Variants in HS6ST3 observed in about 807,000 individuals in gnomAD.
HS6ST3 encodes the protein heparan-sulfate 6-O-sulfotransferase 3.
HS6ST3 carries 12 observed loss-of-function variants against 36.7 expected under a neutral mutation model. That is an observed-to-expected ratio of 0.33 (90% CI 0.21 to 0.53). The LOEUF is 0.53. Among genes scored for constraint, HS6ST3 ranks in the 20% least tolerant of loss-of-function variants. HS6ST3 has a pLI of 0.95. For synonymous variants in HS6ST3, 240 were observed against 257.5 expected, an observed-to-expected ratio of 0.93 and a Z score of 0.65; for missense variants, 584 against 640.9, an observed-to-expected ratio of 0.91 and a Z score of 0.96.
chr13:96,297,079 C>T (rs1442585988), intron 1 of HS6ST3, among the ~76,000 whole-genome samples: 1 of 152,084 alleles, frequency 6.6e-6, no homozygotes, highest in East Asian at 1.9e-4. Flanking sequence ...ATTACAGACT[C>T]TTTAGCATTT....
intron 1 of HS6ST3, among the ~76,000 whole-genome samples, chr13:96,830,995 T>C (rs958813855): frequency 8.3e-4 from 127 of 152,306 alleles, no homozygotes; most frequent in African/African-American, 2.9e-3. Context: ...CCCTGACAAA[T>C]GGACTTCCAG....
chr13:96,702,364 A>C (rs1875311411), intron 1 of HS6ST3, among the ~76,000 whole-genome samples: 1 of 152,240 alleles, frequency 6.6e-6, no homozygotes, highest in African/African-American at 2.4e-5. Flanking sequence ...CCATTCTGGC[A>C]GTTCAATGTC....
At chr13:96,187,359 T>C (rs962259359) in intron 1 of HS6ST3, among the ~76,000 whole-genome samples, 2 of 152,338 alleles carry the variant, frequency 1.3e-5, no homozygotes, top group Admixed American at 6.5e-5. Context: ...CTAGGTGCCA[T>C]GCGTCCTGCC....
intron 1 of HS6ST3, among the ~76,000 whole-genome samples, chr13:96,621,640 T>C (rs756380110): frequency 2.7e-4 from 41 of 152,236 alleles, no homozygotes; most frequent in Non-Finnish European, 5.9e-4. Context: ...ACGCTCCGGA[T>C]TGATTTAGTT....
chr13:96,141,760 A>AG (rs1003865082), intron 1 of HS6ST3, among the ~76,000 whole-genome samples: 36 of 152,294 alleles, frequency 2.4e-4, no homozygotes, highest in African/African-American at 8.4e-4. Flanking sequence ...CCTTTAGATC[A>AG]GGGGGGTCTT....
At chr13:96,744,817 GCAAATTTTAAAATGGGCAAAGAGCC>G (rs898224399) in intron 1 of HS6ST3, among the ~76,000 whole-genome samples, 25 of 152,024 alleles carry the variant, frequency 1.6e-4, no homozygotes, top group African/African-American at 5.3e-4. Flanking sequence ...ATTTGCATGG[GCAAATTTTAAAATGGGCAAAGAGCC>G]CATTTTTACC....
chr13:96,185,547 A>G (rs2054261070), intron 1 of HS6ST3, among the ~76,000 whole-genome samples: 1 of 152,178 alleles, frequency 6.6e-6, no homozygotes, highest in South Asian at 2.1e-4. Context: ...ACCATTTCAA[A>G]CATTCTGAAG....
chr13:96,588,427 A>T (rs940194917), intron 1 of HS6ST3, among the ~76,000 whole-genome samples: 7 of 152,156 alleles, frequency 4.6e-5, no homozygotes, highest in African/African-American at 1.7e-4. Flanking sequence ...TCTGTTGAGA[A>T]TTTGTGTCAT....
rs148167099 is a variant in HS6ST3, at chr13:96,376,098, T to C, written c.707+284529T>C. Among the ~76,000 whole-genome samples the C allele has an allele frequency of 9.4e-3, 1,430 of 152,202 alleles. 27 individuals are homozygous for C. The highest frequency in any genetic ancestry group is 0.033 in the African/African-American group (1,373 of 41,538). The stretch of plus-strand genomic sequence containing the variant: ...CAACATAATCCAGGCTTCCACCAAA[T>C]AGATGCTGTGACTCCAGTCGTAAGA... On this transcript the variant is annotated intron_variant, in intron 1 of 1. Transcript: ENST00000376705.
At chr13:96,096,562 G>A (rs1447479531) in intron 1 of HS6ST3, among the ~76,000 whole-genome samples, 1 of 152,186 alleles carries the variant, frequency 6.6e-6, no homozygotes, top group African/African-American at 2.4e-5. Context: ...TCTAGCATTT[G>A]TAAATATTTC....
intron 1 of HS6ST3, among the ~76,000 whole-genome samples, chr13:96,210,103 A>AT (rs142013129): frequency 1.8e-3 from 274 of 152,084 alleles, no homozygotes; most frequent in African/African-American, 6.1e-3. Flanking sequence ...TGGTTGAGAT[A>AT]TTTTTTCCCC....
At chr13:96,500,460 C>T (rs2055998733) in intron 1 of HS6ST3, among the ~76,000 whole-genome samples, 1 of 152,060 alleles carries the variant, frequency 6.6e-6, no homozygotes, top group South Asian at 2.1e-4. Context: ...GCAGAATGAC[C>T]TCTGTTACCA....
intron 1 of HS6ST3, among the ~76,000 whole-genome samples, chr13:96,239,595 T>C (rs1439448034): frequency 6.6e-6 from 1 of 152,218 alleles, no homozygotes; most frequent in Admixed American, 6.5e-5. Context: ...TTTTGCTAAT[T>C]TTTACTGTAC....
intron 1 of HS6ST3, among the ~76,000 whole-genome samples, chr13:96,182,977 C>T (rs1188495341): frequency 6.6e-6 from 1 of 152,178 alleles, no homozygotes; most frequent in East Asian, 1.9e-4. Flanking sequence ...CAGCTATTGT[C>T]AGTAGCCTCC....
intron 1 of HS6ST3, among the ~76,000 whole-genome samples, chr13:96,386,306 ACTG>A (rs1277766641): frequency 9.9e-5 from 15 of 152,152 alleles, no homozygotes; most frequent in Middle Eastern, 3.4e-3. Flanking sequence ...TGGGAAGAAA[ACTG>A]TTGCAGCAGA....
chr13:96,147,473 G>A (rs2054063848), intron 1 of HS6ST3, among the ~76,000 whole-genome samples: 2 of 152,198 alleles, frequency 1.3e-5, no homozygotes, highest in African/African-American at 4.8e-5. Context: ...TTATAACATT[G>A]TTGAGAAAAA....
chr13:96,838,278 T>C lies in HS6ST3; in HGVS notation c.*5080T>C, dbSNP rs1878987665. ...GGGCAGCCTGGAAACATATGGACTA[T>C]AATTATTTTAGCTATTTAAAAGAAA... On this transcript the variant is annotated 3_prime_UTR_variant, in exon 2 of 2. Coordinates refer to ENST00000376705, the MANE Select transcript of HS6ST3 (RefSeq NM_153456.4). 3 of 152,214 alleles carry C rather than the reference T, an allele frequency of 2.0e-5. No homozygotes were observed. In the South Asian group the frequency reaches 6.2e-4, roughly 32 times the overall value. 9.4% of individuals were successfully genotyped at this position (152,214 alleles called of 1,614,324 possible).
At chr13:96,161,758 G>A (rs1379667390) in intron 1 of HS6ST3, among the ~76,000 whole-genome samples, 1 of 152,112 alleles carries the variant, frequency 6.6e-6, no homozygotes, top group Non-Finnish European at 1.5e-5. Flanking sequence ...GAAAGCAAAT[G>A]GGTTAAGCAG....
At chr13:96,611,932 G>A (rs2056458313) in intron 1 of HS6ST3, among the ~76,000 whole-genome samples, 2 of 152,134 alleles carry the variant, frequency 1.3e-5, no homozygotes, top group African/African-American at 4.8e-5. Context: ...TCTGTGTCAG[G>A]AAAGTAACAT....
Sources: gnomAD v4.1 joint callset for allele counts (sites outside exome capture counted in the v4.1 genomes callset) on GRCh38, gnomAD v4.1.1 for gene constraint, MANE v1.5 for transcripts, NCBI Gene and HGNC (gene_info 2026-07-23, HGNC 2026-07-21) for gene names.